The following DENND2B variants were observed in gnomAD, a reference collection of about 807,000 sequenced individuals.
DENND2B encodes DENN domain containing 2B.
DENND2B carries 32 observed loss-of-function variants against 116.0 expected under a neutral mutation model. That is an observed-to-expected ratio of 0.28 (90% CI 0.21 to 0.37). The LOEUF is 0.37. Ranked by LOEUF, DENND2B falls within the 10% of genes least tolerant of loss-of-function variation. The probability of loss-of-function intolerance (pLI) is 1.00; values close to 1 mark genes in which losing one functional copy is unlikely to be tolerated. For missense variants in DENND2B, 1,276 were observed against 1,477.7 expected, an observed-to-expected ratio of 0.86 and a Z score of 2.24; for synonymous variants, 588 against 583.9, an observed-to-expected ratio of 1.01 and a Z score of -0.10.
chr11:8,795,389 G>A (rs929781559), intron 1 of DENND2B, among the ~76,000 whole-genome samples: 1 of 152,156 alleles, frequency 6.6e-6, no homozygotes, highest in Non-Finnish European at 1.5e-5. Context: ...GGTTCTCAAA[G>A]TGGGGTTCCC....
intron 1 of DENND2B, among the ~76,000 whole-genome samples, chr11:8,885,260 A>G (rs955696916): frequency 5.3e-5 from 8 of 152,378 alleles, no homozygotes; most frequent in African/African-American, 1.9e-4. Flanking sequence ...CATGCCATGC[A>G]TATCAGTCTC....
intron 1 of DENND2B, among the ~76,000 whole-genome samples, chr11:8,908,867 T>C (rs1230666574): frequency 6.6e-6 from 1 of 152,216 alleles, no homozygotes; most frequent in Non-Finnish European, 1.5e-5. Context: ...CCTAGGGCAG[T>C]GCCTGGCACA....
At chr11:8,881,213 G>A (rs1049635691) in intron 1 of DENND2B, 1 of 152,248 alleles carries the variant, frequency 6.6e-6, no homozygotes, top group African/African-American at 2.4e-5. Flanking sequence ...TCATAGTGAT[G>A]TGCCTTAGTA....
At chr11:8,780,488 T>C (rs1466682046) in intron 1 of DENND2B, among the ~76,000 whole-genome samples, 2 of 152,126 alleles carry the variant, frequency 1.3e-5, no homozygotes, top group African/African-American at 4.8e-5. Context: ...GGGGTATTCC[T>C]ACACAGATAG....
rs546635595 is a variant in DENND2B at position 8,825,189 on chromosome 11, CT to C, written c.-114-13855del. ...CTCCACAACCTTACCAGCACCTATACTTTTTTGGCTTTTTAATAACAGCCAT... is the reference window on the plus strand; with the variant it reads ...CTCCACAACCTTACCAGCACCTATACTTTTTGGCTTTTTAATAACAGCCAT... On this transcript the variant is annotated intron_variant, in intron 4 of 6. Coordinates refer to the DENND2B transcript ENST00000524757. 3.7e-3 allele frequency among the ~76,000 whole-genome samples: 557 copies of C among 152,174 alleles called. 6 individuals carry two copies. The highest frequency in any genetic ancestry group is 0.013 in the African/African-American group (529 of 41,518).
intron 16 of DENND2B, 134 bp downstream of exon 16, chr11:8,698,799 C>G (rs2040926527): frequency 9.3e-7 from 1 of 1,072,554 alleles, no homozygotes. Context: ...CAGCTTCTCC[C>G]CACCCTTGAC....
chr11:8,728,992 G>C (rs948788680), intron 3 of DENND2B, among the ~76,000 whole-genome samples: 13 of 152,204 alleles, frequency 8.5e-5, no homozygotes, highest in African/African-American at 3.1e-4. Flanking sequence ...ATTACCCTTA[G>C]CCACGGGCTG....
intron 2 of DENND2B, among the ~76,000 whole-genome samples, chr11:8,743,018 C>T (rs538979427): frequency 2.6e-5 from 4 of 151,660 alleles, no homozygotes; most frequent in Admixed American, 6.6e-5. Flanking sequence ...GAGATGAGAT[C>T]GCGCCATTGC....
chr11:8,781,494 A>G (rs1464080383), intron 1 of DENND2B, among the ~76,000 whole-genome samples: 1 of 152,194 alleles, frequency 6.6e-6, no homozygotes, highest in South Asian at 2.1e-4. Flanking sequence ...TTTGTCTATT[A>G]CACTGGGCAA....
At chr11:8,697,410 C>G (rs1311257553) in intron 17 of DENND2B, 115 bp downstream of exon 17, 1 of 759,622 alleles carries the variant, frequency 1.3e-6, no homozygotes. Context: ...GACCAAGGTC[C>G]TCATCAGCCA....
chr11:8,721,810 T>A (rs1002880864), intron 4 of DENND2B, among the ~76,000 whole-genome samples: 2 of 152,000 alleles, frequency 1.3e-5, no homozygotes, highest in Non-Finnish European at 2.9e-5. Context: ...CCAGAGAGAG[T>A]GGAGGCTCAA....
chr11:8,726,203 G>T lies in DENND2B; in HGVS notation c.1347C>A (p.Ser449=). The T allele has an allele frequency of 6.2e-7, 1 of 1,608,298 alleles. No individual in the cohort carries two copies. The highest frequency in any genetic ancestry group is 8.5e-7 in the Non-Finnish European group (1 of 1,177,444). Reference sequence around the variant, plus strand: ...GACTGGATGCATCCTCAAACTCAAAGGATTTTCTGTGGATAACAAGAGCAA... The same window carrying T: ...GACTGGATGCATCCTCAAACTCAAATGATTTTCTGTGGATAACAAGAGCAA... ...RGHRKSQSRK[S]FEFEDASSLQ... is the part of the protein sequence containing the mutation. The change falls in exon 4 of 20, where the codon TCC becomes TCA. Residue 449 remains serine (S), a synonymous_variant. Coordinates refer to ENST00000313726, the MANE Select transcript of DENND2B (RefSeq NM_213618.2).
intron 1 of DENND2B, among the ~76,000 whole-genome samples, chr11:8,770,260 T>C (rs545179999): frequency 6.6e-6 from 1 of 152,268 alleles, no homozygotes; most frequent in Admixed American, 6.5e-5. Context: ...ATAAGCCCAA[T>C]AGGATTAAAT....
intron 1 of DENND2B, chr11:8,810,042 A>C (rs1448000923): frequency 7.9e-6 from 1 of 125,822 alleles, no homozygotes; most frequent in African/African-American, 2.8e-5. Flanking sequence ...GGCTGAGCTT[A>C]ATTAGCCTTT....
intron 1 of DENND2B, 95 bp from the exon 2 acceptor site, chr11:8,750,820 T>G (rs77860546): frequency 0.019 from 21,060 of 1,099,438 alleles, 301 homozygotes; most frequent in Middle Eastern, 0.051. Context: ...GCCAAGAGGG[T>G]GTCTGTGGCA....
Position 8,717,827 on chromosome 11 carries a change from A to G in DENND2B, c.1543T>C (p.Ser515Pro). Reference protein sequence around the residue: ...DLKSRRAGRKSQQLSENSLDS... With the variant: ...DLKSRRAGRKPQQLSENSLDS... ...AAGGAGTTCTCAGACAGTTGCTGGGATTTTCGTCCTGCTCTTCGGCTCTTT... is the reference window on the plus strand; with the variant it reads ...AAGGAGTTCTCAGACAGTTGCTGGGGTTTTCGTCCTGCTCTTCGGCTCTTT... The change falls in exon 5 of 20, where the codon TCC (serine) becomes CCC (proline). Residue 515 changes from serine (S) to proline (P), a missense_variant. Ser to Pro is a moderately conservative substitution (Grantham distance 74, BLOSUM62 -1). Coordinates refer to ENST00000313726, the MANE Select transcript of DENND2B (RefSeq NM_213618.2). 1 of 1,613,338 alleles carries G rather than the reference A, an allele frequency of 6.2e-7. No homozygotes were observed.
intron 1 of DENND2B, among the ~76,000 whole-genome samples, chr11:8,772,228 T>C (rs1262031722): frequency 6.6e-6 from 1 of 151,826 alleles, no homozygotes; most frequent in African/African-American, 2.4e-5. Context: ...AAACTAATAG[T>C]AATATAATAC....
At chr11:8,853,027 A>C (rs1415319853) in intron 3 of DENND2B, among the ~76,000 whole-genome samples, 1 of 152,196 alleles carries the variant, frequency 6.6e-6, no homozygotes, top group African/African-American at 2.4e-5. Flanking sequence ...AGGTGATTAG[A>C]TCACCAGGGC....
At chr11:8,899,055 A>G (rs780872069) in intron 1 of DENND2B, among the ~76,000 whole-genome samples, 1 of 152,216 alleles carries the variant, frequency 6.6e-6, no homozygotes, top group Non-Finnish European at 1.5e-5. Flanking sequence ...TGAAAAGAAA[A>G]TAATTGAAAT....
Sources: allele counts gnomAD v4.1 joint callset (sites outside exome capture counted in the v4.1 genomes callset), GRCh38; gene constraint gnomAD v4.1.1; transcripts MANE v1.5; gene names NCBI Gene and HGNC (gene_info 2026-07-23, HGNC 2026-07-21).